The following ANO7 variants were observed in gnomAD, a reference collection of about 807,000 sequenced individuals.
ANO7 encodes the protein anoctamin 7.
A neutral mutation model predicts 115.8 loss-of-function variants in ANO7; 114 were observed. The ratio of observed to expected loss-of-function variants is 0.98; its 90% CI spans 0.85 to 1.15. The LOEUF is 1.15. Among genes scored for constraint, ANO7 ranks in the 50% most tolerant of loss-of-function variants. ANO7 has a pLI of 0.00. For synonymous variants in ANO7, 550 were observed against 498.2 expected, an observed-to-expected ratio of 1.10 and a Z score of -1.38; for missense variants, 1,302 against 1,201.2, an observed-to-expected ratio of 1.08 and a Z score of -1.24.
intron 2 of ANO7, among the ~76,000 whole-genome samples, chr2:241,190,973 C>G (rs1488085793): frequency 6.6e-6 from 1 of 152,236 alleles, no homozygotes; most frequent in East Asian, 1.9e-4. Flanking sequence ...GCCCTGCCTG[C>G]CGCTCCCCGC....
chr2:241,234,410 A>G, the ANO7 span, among the ~76,000 whole-genome samples: 1 of 152,252 alleles, frequency 6.6e-6, no homozygotes, highest in East Asian at 1.9e-4. Flanking sequence ...GGCTACAGGT[A>G]TGACCTGGCT....
At chr2:241,230,527 C>T (rs1418169834), downstream of ANO7, among the ~76,000 whole-genome samples, 1 of 152,222 alleles carries the variant, frequency 6.6e-6, no homozygotes, top group Non-Finnish European at 1.5e-5. This position sits in a 1 kb window ranked among gnomAD's most constrained non-coding sequence, Gnocchi z 5.0. Flanking sequence ...AGGACGAGCT[C>T]GCCAGGCAGC....
chr2:241,214,805 T>C lies in ANO7; in HGVS notation c.1729T>C (p.Cys577Arg), dbSNP rs1574789145. 6.2e-7 allele frequency: 1 copy of C among 1,611,220 alleles called. No individual in the cohort carries two copies. ...HTLFGVRNEE[C>R]AAGGCLIELA... ...GCTAACCTGAGCCCTGCTGCCGTAGTGCGCGGCTGGAGGCTGCCTGATCGA... is the reference window on the plus strand; with the variant it reads ...GCTAACCTGAGCCCTGCTGCCGTAGCGCGCGGCTGGAGGCTGCCTGATCGA... Residue 577 changes from cysteine to arginine, a missense_variant and splice_region_variant, in exon 18 of 25, where the codon TGC becomes CGC. By Grantham distance (180) the Cys-to-Arg change is radical. Coordinates refer to ENST00000674324, the MANE Select transcript of ANO7 (RefSeq NM_001370694.2).
downstream of ANO7, chr2:241,230,241 G>A: frequency 2.5e-6 from 4 of 1,605,938 alleles, no homozygotes; most frequent in Non-Finnish European, 3.4e-6. The surrounding 1 kb of genome is among the most constrained non-coding windows in gnomAD (Gnocchi z 5.0). Context: ...GGGGTCTGGG[G>A]CTCCGCTCTG....
the ANO7 span, chr2:241,239,852 C>T: frequency 6.2e-7 from 1 of 1,611,668 alleles, no homozygotes; most frequent in Admixed American, 1.7e-5. This position sits in a 1 kb window ranked among gnomAD's most constrained non-coding sequence, Gnocchi z 4.6. Context: ...GAAGATAAGC[C>T]ACCCCATCAC....
At chr2:241,190,706 C>A (rs541446213) in intron 2 of ANO7, among the ~76,000 whole-genome samples, 2 of 152,206 alleles carry the variant, frequency 1.3e-5, no homozygotes. Context: ...TTCCTGCCGC[C>A]CCAAGCACAG....
chr2:241,199,854 C>A (rs975365458), intron 5 of ANO7, among the ~76,000 whole-genome samples: 9 of 152,196 alleles, frequency 5.9e-5, no homozygotes, highest in African/African-American at 2.2e-4. Flanking sequence ...GTTCCCACCC[C>A]TTTTCCACTT....
chr2:241,193,213 G>A (rs949581219), intron 3 of ANO7, among the ~76,000 whole-genome samples: 1 of 151,870 alleles, frequency 6.6e-6, no homozygotes, highest in Non-Finnish European at 1.5e-5. Flanking sequence ...GGGACTACAG[G>A]TGCGCCCCAC....
chr2:241,207,646 C>G lies in ANO7; in HGVS notation c.1053C>G (p.Leu351=). ...PLCLDCPFWL[L]SSACALAQAG... Reference sequence around the variant, plus strand: ...GCCTCGACTGCCCTTTCTGGCTGCTCTCCAGCGCCTGTGCCCTGGCCCAGG... The same window carrying G: ...GCCTCGACTGCCCTTTCTGGCTGCTGTCCAGCGCCTGTGCCCTGGCCCAGG... Residue 351 remains leucine, a synonymous_variant, in exon 11 of 25, where the codon CTC becomes CTG. Coordinates refer to ENST00000674324, the MANE Select transcript of ANO7 (RefSeq NM_001370694.2). 1 of 1,613,798 alleles carries G rather than the reference C, an allele frequency of 6.2e-7. No homozygotes were observed. Among genetic ancestry groups the G allele is most frequent in the Non-Finnish European group, 8.5e-7 (1 of 1,179,956 alleles).
intron 21 of ANO7, 123 bp downstream of exon 21, chr2:241,218,504 GGGGA>G: frequency 1.1e-6 from 1 of 895,056 alleles, no homozygotes; most frequent in Non-Finnish European, 1.5e-6. Flanking sequence ...GGCAAGGCCG[GGGGA>G]GGGGGGGAGC....
the ANO7 span, chr2:241,239,695 G>A: frequency 1.2e-6 from 2 of 1,614,200 alleles, no homozygotes; most frequent in Non-Finnish European, 1.7e-6. This position sits in a 1 kb window ranked among gnomAD's most constrained non-coding sequence, Gnocchi z 4.6. Flanking sequence ...GTGTGCCAGA[G>A]CGTGGGAAGC....
chr2:241,189,526 G>A (rs576111996), intron 1 of ANO7, among the ~76,000 whole-genome samples: 1 of 152,194 alleles, frequency 6.6e-6, no homozygotes, highest in Admixed American at 6.5e-5. Flanking sequence ...GGAGGAAGCT[G>A]GGACCCCCAA....
the ANO7 span, chr2:241,238,752 C>T: frequency 1.3e-6 from 2 of 1,577,552 alleles, no homozygotes; most frequent in Non-Finnish European, 1.7e-6. This position sits in a 1 kb window ranked among gnomAD's most constrained non-coding sequence, Gnocchi z 4.9. Context: ...GATGGAATTT[C>T]TGGGGTATAG....
chr2:241,222,273 A>AATAC (rs1208616658), intron 21 of ANO7, among the ~76,000 whole-genome samples: 26 of 146,398 alleles, frequency 1.8e-4, no homozygotes, highest in Non-Finnish European at 3.9e-4. Context: ...TAAATAAATA[A>AATAC]AGTGCTGGGA....
chr2:241,217,797 G>GCGAGTAC lies in ANO7; in HGVS notation c.2087_2093dup (p.Arg699ValfsTer85), dbSNP rs750503718. The GCGAGTAC allele has an allele frequency of 9.3e-6, 15 of 1,610,310 alleles. No homozygotes were observed. Among genetic ancestry groups the GCGAGTAC allele is most frequent in the Admixed American group, 1.7e-5 (1 of 59,766 alleles). ...CGCTTGGACGCGCGCAAGTTCGTCT[G>GCGAGTAC]CGAGTACCGGCGCCCGGTGGCCGAG... On this transcript the variant is annotated frameshift_variant, in exon 20 of 25. Transcript: ENST00000674324. LOFTEE classifies it high-confidence loss of function.
chr2:241,214,747 AT>A lies in ANO7; in HGVS notation c.1729-57del, dbSNP rs2068786270. On this transcript the variant is annotated intron_variant, in intron 17 of 24. Coordinates refer to ENST00000674324, the MANE Select transcript of ANO7 (RefSeq NM_001370694.2). ...AGGGCCAGCTTTGAGACAAGAAGGG[AT>A]GCGTGGGTGAGTGGCTGGTCCCCCT... The A allele has an allele frequency of 1.0e-4, 153 of 1,500,860 alleles. 1 individual carries two copies. The South Asian group carries it at 1.7e-3, about 16-fold the overall frequency. 93.0% of individuals were successfully genotyped at this position (1,500,860 alleles called of 1,614,324 possible).
At position 241,194,127 on chromosome 2, in the gene ANO7, G is replaced by A. The variant is rs1294020941; in HGVS notation, c.167-1576G>A. On this transcript the variant is annotated intron_variant, in intron 3 of 24. Transcript: ENST00000674324. ...TGACTTCAAGTGATCTGCCTGCCTCGGCCTCCCAAAGTGCTGGGATTACAG... is the reference window on the plus strand; with the variant it reads ...TGACTTCAAGTGATCTGCCTGCCTCAGCCTCCCAAAGTGCTGGGATTACAG... Among the ~76,000 whole-genome samples, 7 of 151,122 alleles carry A rather than the reference G, an allele frequency of 4.6e-5. No homozygotes were observed. In the South Asian group the frequency reaches 8.4e-4, roughly 18 times the overall value.
At chr2:241,223,080 G>A (rs2069064423) in intron 21 of ANO7, 106 bp from the exon 22 acceptor site, 3 of 995,720 alleles carry the variant, frequency 3.0e-6, no homozygotes, top group Non-Finnish European at 4.7e-6. Flanking sequence ...AACATGGGAT[G>A]AGAGAGCGAA....
intron 4 of ANO7, among the ~76,000 whole-genome samples, chr2:241,197,765 C>T (rs1240533077): frequency 6.6e-6 from 1 of 151,712 alleles, no homozygotes; most frequent in Admixed American, 6.6e-5. Flanking sequence ...ATTCTCCTGC[C>T]TCAGCCTCCC....
Sources: allele counts gnomAD v4.1 joint callset (sites outside exome capture counted in the v4.1 genomes callset), GRCh38; gene constraint gnomAD v4.1.1; non-coding constraint Gnocchi (gnomAD v3.1); transcripts MANE v1.5; gene names NCBI Gene and HGNC (gene_info 2026-07-23, HGNC 2026-07-21).